MARCHF4: variants seen among roughly 807,000 people sequenced by gnomAD.
MARCHF4 encodes E3 ubiquitin-protein ligase MARCHF4.
In MARCHF4, 14 loss-of-function variants were observed where a neutral mutation model predicts 43.9. The observed-to-expected ratio is 0.32, with a 90% CI of 0.21 to 0.50. The LOEUF (loss-of-function observed/expected upper bound fraction) is 0.50. MARCHF4 is among the 20% of genes least tolerant of loss of function. The pLI, the probability that MARCHF4 is intolerant of heterozygous loss-of-function variation, is 0.98. For synonymous variants in MARCHF4, 226 were observed against 213.3 expected (o/e 1.06, Z -0.52); for missense variants, 468 against 536.7 (o/e 0.87, Z 1.27).
intron 1 of MARCHF4, among the ~76,000 whole-genome samples, chr2:216,320,941 A>T (rs1691885362): frequency 6.6e-6 from 1 of 150,636 alleles, no homozygotes; most frequent in South Asian, 2.1e-4. Flanking sequence ...GGCCTCCCAA[A>T]GTGCTGGGAT....
chr2:216,309,747 A>C (rs927203261), intron 1 of MARCHF4, among the ~76,000 whole-genome samples: 4 of 152,238 alleles, frequency 2.6e-5, no homozygotes, highest in African/African-American at 9.6e-5. Flanking sequence ...AGACCAAGGG[A>C]TGAAAATAGA....
At chr2:216,352,734 C>T (rs1305008114) in intron 1 of MARCHF4, among the ~76,000 whole-genome samples, 1 of 152,130 alleles carries the variant, frequency 6.6e-6, no homozygotes, top group Non-Finnish European at 1.5e-5. Flanking sequence ...TTCAGGTCTA[C>T]CATAGATATC....
chr2:216,303,998 C>T (rs1691540139), intron 1 of MARCHF4, among the ~76,000 whole-genome samples: 1 of 152,072 alleles, frequency 6.6e-6, no homozygotes, highest in African/African-American at 2.4e-5. Flanking sequence ...TCCTACCCAC[C>T]CCAGGACCCT....
intron 3 of MARCHF4, among the ~76,000 whole-genome samples, chr2:216,260,442 C>A (rs1690722911): frequency 6.6e-6 from 1 of 152,178 alleles, no homozygotes; most frequent in African/African-American, 2.4e-5. Context: ...CCTGTTTTAG[C>A]AAGGGTGGTG....
At chr2:216,286,819 A>T (rs567576543) in intron 1 of MARCHF4, among the ~76,000 whole-genome samples, 21 of 152,350 alleles carry the variant, frequency 1.4e-4, no homozygotes, top group African/African-American at 4.8e-4. Flanking sequence ...GTCTCCAAGA[A>T]CAACAGAAGT....
chr2:216,322,058 C>T (rs867831843), intron 1 of MARCHF4, among the ~76,000 whole-genome samples: 1 of 152,140 alleles, frequency 6.6e-6, no homozygotes, highest in African/African-American at 2.4e-5. Context: ...ACTAAACTGA[C>T]CGCAAGCATT....
intron 3 of MARCHF4, among the ~76,000 whole-genome samples, chr2:216,269,855 C>T (rs1395706032): frequency 6.6e-6 from 1 of 152,220 alleles, no homozygotes; most frequent in Non-Finnish European, 1.5e-5. Flanking sequence ...ACCCACCACT[C>T]TGGCCTTTGT....
chr2:216,311,974 T>C (rs2105956811), intron 1 of MARCHF4, among the ~76,000 whole-genome samples: 1 of 152,376 alleles, frequency 6.6e-6, no homozygotes, highest in Admixed American at 6.5e-5. Flanking sequence ...AAATAATTTT[T>C]TATTAAATTT....
intron 2 of MARCHF4, among the ~76,000 whole-genome samples, chr2:216,281,259 CATT>C (rs1263230022): frequency 6.6e-6 from 1 of 151,988 alleles, no homozygotes; most frequent in African/African-American, 2.4e-5. Flanking sequence ...GACAGGGTCT[CATT>C]ATGTTGCCCA....
intron 1 of MARCHF4, among the ~76,000 whole-genome samples, chr2:216,366,593 C>G (rs1279411023): frequency 2.0e-5 from 3 of 152,140 alleles, no homozygotes; most frequent in Non-Finnish European, 4.4e-5. Context: ...TTTCCTTCAC[C>G]TGAAATTCTC....
intron 1 of MARCHF4, among the ~76,000 whole-genome samples, chr2:216,350,840 A>G (rs1692395566): frequency 6.6e-6 from 1 of 152,234 alleles, no homozygotes; most frequent in African/African-American, 2.4e-5. Context: ...AGACGGAACC[A>G]TATTTATTTG....
intron 2 of MARCHF4, among the ~76,000 whole-genome samples, chr2:216,280,474 CCT>C (rs1363705503): frequency 6.6e-6 from 1 of 152,156 alleles, no homozygotes; most frequent in Non-Finnish European, 1.5e-5. Context: ...TCATGAGGAC[CCT>C]CAACTTTCCT....
At chr2:216,352,429 G>A (rs1439486952) in intron 1 of MARCHF4, among the ~76,000 whole-genome samples, 7 of 152,228 alleles carry the variant, frequency 4.6e-5, no homozygotes, top group Non-Finnish European at 7.3e-5. Flanking sequence ...GAGAAAGGAG[G>A]ATGAGTGAGT....
At chr2:216,320,846 T>TG (rs1195689821) in intron 1 of MARCHF4, among the ~76,000 whole-genome samples, 48 of 146,654 alleles carry the variant, frequency 3.3e-4, no homozygotes, top group African/African-American at 1.1e-3. Flanking sequence ...TTTTTTTTTT[T>TG]TTTTTTGTAT....
chr2:216,350,829 G>GTA (rs1692395346), intron 1 of MARCHF4, among the ~76,000 whole-genome samples: 1 of 152,170 alleles, frequency 6.6e-6, no homozygotes, highest in Non-Finnish European at 1.5e-5. Flanking sequence ...AAAAGTTATT[G>GTA]AGACGGAACC....
At chr2:216,367,389 TCTTC>T (rs1559109230) in intron 1 of MARCHF4, among the ~76,000 whole-genome samples, 1 of 151,774 alleles carries the variant, frequency 6.6e-6, no homozygotes, top group Non-Finnish European at 1.5e-5. Flanking sequence ...TCTATCTCTC[TCTTC>T]CTTTTCTAGA....
intron 1 of MARCHF4, among the ~76,000 whole-genome samples, chr2:216,338,732 T>C (rs113563290): frequency 0.018 from 2,803 of 152,220 alleles, 80 homozygotes; most frequent in African/African-American, 0.064. Flanking sequence ...CTGACCCATA[T>C]AGTCACACAG....
intron 1 of MARCHF4, among the ~76,000 whole-genome samples, chr2:216,354,983 C>CT (rs768164940): frequency 8.3e-5 from 8 of 96,944 alleles, no homozygotes; most frequent in East Asian, 7.8e-4. Context: ...TTCTTTCTTT[C>CT]TTTTTTGAGA....
chr2:216,322,423 C>T (rs78529164), intron 1 of MARCHF4, among the ~76,000 whole-genome samples: 1,741 of 152,338 alleles, frequency 0.011, 22 homozygotes, highest in Admixed American at 0.027. Context: ...CAGTGACCTT[C>T]AGGGGACCTG....
Sources: allele counts gnomAD v4.1 joint callset (sites outside exome capture counted in the v4.1 genomes callset), GRCh38; gene constraint gnomAD v4.1.1; transcripts MANE v1.5; gene names NCBI Gene and HGNC (gene_info 2026-07-23, HGNC 2026-07-21).